DACH2: variants seen among roughly 807,000 people sequenced by gnomAD.
The protein encoded by DACH2 is dachshund homolog 2.
Under a neutral mutation model 35.8 loss-of-function variants are expected in DACH2, and 17 were observed. The observed-to-expected ratio is 0.48, with a 90% CI of 0.33 to 0.71. The LOEUF (loss-of-function observed/expected upper bound fraction) is 0.71, where lower values mean the gene tolerates loss of function less well. Ranked by LOEUF, DACH2 falls within the 30% of genes least tolerant of loss-of-function variation. The pLI, the probability that DACH2 is intolerant of heterozygous loss-of-function variation, is 0.02. For synonymous variants in DACH2, 195 were observed against 177.3 expected, an observed-to-expected ratio of 1.10 and a Z score of -0.79; for missense variants, 469 against 472.7, an observed-to-expected ratio of 0.99 and a Z score of 0.07.
chrX:86,358,743 C>G (rs962383622), intron 1 of DACH2, among the ~76,000 whole-genome samples: 11 of 110,430 alleles, frequency 1.0e-4, no homozygotes, highest in Non-Finnish European at 1.9e-4. Flanking sequence ...AAAAAAAATT[C>G]TAGTCTCAGT....
chrX:86,156,554 A>G (rs1396353559), intron 1 of DACH2, among the ~76,000 whole-genome samples: 4 of 111,809 alleles, frequency 3.6e-5, no homozygotes, highest in Non-Finnish European at 3.8e-5. Context: ...AATCTAATAT[A>G]TGAACTTAGA....
At chrX:86,247,533 G>A (rs745358643) in intron 1 of DACH2, among the ~76,000 whole-genome samples, 12 of 111,198 alleles carry the variant, frequency 1.1e-4, no homozygotes, top group Middle Eastern at 4.7e-3. Flanking sequence ...TAAATTCCAG[G>A]AAACATACAA....
chrX:86,440,576 T>G (rs1028430086), intron 2 of DACH2, among the ~76,000 whole-genome samples: 5 of 111,656 alleles, frequency 4.5e-5, no homozygotes, highest in Non-Finnish European at 7.5e-5. Flanking sequence ...ACAATTTCTC[T>G]TCTTTAATTG....
At chrX:86,640,750 G>T (rs936102141) in intron 3 of DACH2, among the ~76,000 whole-genome samples, 2 of 111,104 alleles carry the variant, frequency 1.8e-5, no homozygotes, top group Non-Finnish European at 3.8e-5. Context: ...AAACATAGGG[G>T]AGCCACACAA....
chrX:86,736,370 T>A (rs1408704592), intron 6 of DACH2, among the ~76,000 whole-genome samples: 1 of 111,670 alleles, frequency 9.0e-6, no homozygotes, highest in Non-Finnish European at 1.9e-5. Context: ...AATATTCACC[T>A]TCTAAATTAT....
intron 3 of DACH2, among the ~76,000 whole-genome samples, chrX:86,647,773 G>A (rs1332313895): frequency 1.8e-5 from 2 of 110,740 alleles, no homozygotes. Context: ...TGGTCTCATG[G>A]ATATATACAT....
At chrX:86,655,392 A>G (rs1426269838) in intron 4 of DACH2, among the ~76,000 whole-genome samples, 1 of 112,273 alleles carries the variant, frequency 8.9e-6, no homozygotes, top group East Asian at 2.8e-4. Flanking sequence ...GTGGTGACAT[A>G]GAAGTGAGAT....
chrX:86,162,212 T>A (rs1304531790), intron 1 of DACH2, among the ~76,000 whole-genome samples: 1 of 111,401 alleles, frequency 9.0e-6, no homozygotes, highest in African/African-American at 3.3e-5. Flanking sequence ...TTGTCCCATA[T>A]GGATTCATGT....
At chrX:86,266,909 T>G (rs747595339) in intron 1 of DACH2, among the ~76,000 whole-genome samples, 7 of 112,157 alleles carry the variant, frequency 6.2e-5, no homozygotes, top group Non-Finnish European at 9.4e-5. Flanking sequence ...TCTTTGATAG[T>G]TAATATATAT....
intron 1 of DACH2, among the ~76,000 whole-genome samples, chrX:86,170,681 A>G (rs771171044): frequency 1.8e-5 from 2 of 112,492 alleles, no homozygotes; most frequent in Admixed American, 9.4e-5. Context: ...CTTAAGTCCC[A>G]AGGACTCTTT....
chrX:86,254,085 G>A (rs187416643), intron 1 of DACH2, among the ~76,000 whole-genome samples: 135 of 111,638 alleles, frequency 1.2e-3, no homozygotes, highest in Middle Eastern at 4.7e-3. Flanking sequence ...GGGTATAATG[G>A]GAACATCAAA....
In DACH2 at chrX:86,799,431, C is replaced by T. The variant is rs775091763; in HGVS notation, c.1241-13425C>T. Among the ~76,000 whole-genome samples, 4 of 112,140 alleles carry T rather than the reference C, an allele frequency of 3.6e-5. No individual in the cohort carries two copies. In the South Asian group the frequency reaches 1.5e-3, roughly 42 times the overall value. ...GAATAGGAACAGCTCGTGTCTGCAG[C>T]TCCAAGGGAGATCAATGCAGAAGGC... On this transcript the variant is annotated intron_variant, in intron 7 of 11. Transcript: ENST00000373125.
rs779986624 is a variant in DACH2, at chrX:86,812,916, C to A, written c.1301C>A (p.Pro434His). 2.2e-5 allele frequency: 27 copies of A among 1,205,805 alleles called. No individual in the cohort carries two copies. The East Asian group carries it at 7.7e-4, about 34-fold the overall frequency. ...KSPLDKIQLT[P>H]GQALPAGFPG... ...CCCTTGGACAAGATACAGCTGACTCCTGGGCAGGCATTGCCCGCTGGATTC... is the reference window on the plus strand; with the variant it reads ...CCCTTGGACAAGATACAGCTGACTCATGGGCAGGCATTGCCCGCTGGATTC... Residue 434 changes from proline (P) to histidine (H), a missense_variant, in exon 8 of 12, where the codon CCT becomes CAT. Transcript: ENST00000373125.
intron 1 of DACH2, among the ~76,000 whole-genome samples, chrX:86,368,906 A>T (rs1341075062): frequency 9.0e-6 from 1 of 111,204 alleles, no homozygotes; most frequent in Non-Finnish European, 1.9e-5. Context: ...ATCAAGATAA[A>T]ACAGTAATTC....
chrX:86,449,694 TA>T (rs2037334298), intron 2 of DACH2, among the ~76,000 whole-genome samples: 1 of 111,273 alleles, frequency 9.0e-6, no homozygotes, highest in African/African-American at 3.3e-5. Flanking sequence ...ATGAGGCTTA[TA>T]AAAAACATCT....
intron 1 of DACH2, among the ~76,000 whole-genome samples, chrX:86,359,857 A>G (rs2035709922): frequency 9.0e-6 from 1 of 110,740 alleles, no homozygotes. Flanking sequence ...AGTACATTTG[A>G]TTCTTCTGTT....
chrX:86,453,554 T>C (rs2037420823), intron 2 of DACH2, among the ~76,000 whole-genome samples: 2 of 108,203 alleles, frequency 1.8e-5, no homozygotes, highest in South Asian at 7.7e-4. Context: ...TTGAACCTTT[T>C]ACCATTAGGT....
At chrX:86,458,307 C>T (rs758851113) in intron 2 of DACH2, among the ~76,000 whole-genome samples, 4 of 111,801 alleles carry the variant, frequency 3.6e-5, no homozygotes, top group Non-Finnish European at 7.5e-5. Flanking sequence ...ATTTGACATT[C>T]ATGATAGGAA....
chrX:86,764,281 A>G (rs1310441363), intron 7 of DACH2, among the ~76,000 whole-genome samples: 4 of 111,613 alleles, frequency 3.6e-5, no homozygotes, highest in Non-Finnish European at 5.6e-5. Flanking sequence ...TTACATGGGT[A>G]AATTGCGTGG....
Sources: allele counts gnomAD v4.1 joint callset (sites outside exome capture counted in the v4.1 genomes callset), GRCh38; gene constraint gnomAD v4.1.1; transcripts MANE v1.5; gene names NCBI Gene and HGNC (gene_info 2026-07-23, HGNC 2026-07-21).